ACBD3: variants seen among roughly 807,000 people sequenced by gnomAD.
ACBD3 encodes the protein acyl-CoA binding domain containing 3.
Under a neutral mutation model 66.9 loss-of-function variants are expected in ACBD3, and 30 were observed. The observed-to-expected ratio is 0.45, with a 90% CI of 0.34 to 0.61. The LOEUF (loss-of-function observed/expected upper bound fraction) is 0.61. ACBD3 is among the 20% of genes least tolerant of loss of function. The pLI is 0.02. For synonymous variants in ACBD3, 278 were observed against 259.8 expected (o/e 1.07, Z -0.68); for missense variants, 544 against 664.5 (o/e 0.82, Z 1.99).
chr1:226,186,700 G>C lies in ACBD3; in HGVS notation c.-25C>G, dbSNP rs1015695672. ...TCTCCGGCTGCTGCACCTCCTCAGC[G>C]GGGACAGACGGCAGCCACGTATCGA... On this transcript the variant is annotated 5_prime_UTR_variant, in exon 1 of 8. Transcript: ENST00000366812. 2.1e-6 allele frequency: 3 copies of C among 1,457,968 alleles called. No homozygotes were observed. The highest frequency in any genetic ancestry group is 2.5e-5 in the Admixed American group (1 of 40,094). 90.3% of individuals were successfully genotyped at this position (1,457,968 alleles called of 1,614,324 possible).
intron 7 of ACBD3, among the ~76,000 whole-genome samples, chr1:226,149,552 T>TTTTTTTTTG (rs1239430879): frequency 7.9e-6 from 1 of 127,344 alleles, no homozygotes; most frequent in African/African-American, 3.0e-5. Context: ...TTTTTTTTTT[T>TTTTTTTTTG]TTTTTTGAGA....
intron 2 of ACBD3, 92 bp from the exon 3 acceptor site, chr1:226,165,021 A>G (rs1659846322): frequency 7.6e-7 from 1 of 1,321,016 alleles, no homozygotes; most frequent in East Asian, 2.6e-5. Flanking sequence ...CTCAATTGTA[A>G]GTAAAATGAA....
intron 1 of ACBD3, among the ~76,000 whole-genome samples, chr1:226,173,757 CTTT>C (rs145462202): frequency 1.1e-5 from 1 of 88,322 alleles, no homozygotes; most frequent in Admixed American, 1.4e-4. Flanking sequence ...TTTTTCTTTT[CTTT>C]TTTTTTTTTT....
At chr1:226,164,955 C>A (rs767365500) in intron 2 of ACBD3, 26 bp from the exon 3 acceptor site, 1 of 1,515,510 alleles carries the variant, frequency 6.6e-7, no homozygotes, top group Admixed American at 2.3e-5. Flanking sequence ...AGAAAAGTTA[C>A]CTCCCCTTCT....
intron 3 of ACBD3, among the ~76,000 whole-genome samples, chr1:226,163,821 T>C (rs1403401939): frequency 6.6e-6 from 1 of 152,134 alleles, no homozygotes; most frequent in Non-Finnish European, 1.5e-5. Context: ...GAATCAATTG[T>C]TTTTAAAGAA....
rs760405635 is a variant in ACBD3 at position 226,186,415 on chromosome 1, G to A, written c.261C>T (p.Tyr87=). The A allele has an allele frequency of 1.2e-5, 19 of 1,523,734 alleles. No individual in the cohort carries two copies. In the South Asian group the frequency reaches 1.5e-4, roughly 12 times the overall value. The allele number at this position is 1,523,734 out of a possible 1,614,324, so 94.4% of individuals were successfully genotyped here. A position where few individuals can be genotyped will look rare whatever the true frequency, so the allele number is the denominator to read the frequency against. Residue 87 remains tyrosine (Y), a synonymous_variant, in exon 1 of 8, where the codon TAC becomes TAT. Coordinates refer to ENST00000366812, the MANE Select transcript of ACBD3 (RefSeq NM_022735.4). ...CTTTGAAGAAGCGCAGTGCCAGGCC[G>A]TACAACTCCTCCAGGCCGAAACCCC... ...QRWGFGLEEL[Y]GLALRFFKEK...
At chr1:226,161,742 TAAA>T in intron 3 of ACBD3, 53 bp from the exon 4 acceptor site, 1 of 1,500,228 alleles carries the variant, frequency 6.7e-7, no homozygotes, top group Non-Finnish European at 8.9e-7. Flanking sequence ...TGTTTAAAAA[TAAA>T]ACTTTAGCTC....
intron 5 of ACBD3, among the ~76,000 whole-genome samples, chr1:226,156,567 G>C (rs892241464): frequency 6.6e-6 from 1 of 152,054 alleles, no homozygotes; most frequent in Non-Finnish European, 1.5e-5. Flanking sequence ...CCATGGGGTA[G>C]GGATAATGAT....
chr1:226,166,101 G>A (rs1290818609), intron 1 of ACBD3, 101 bp from the exon 2 acceptor site: 2 of 1,280,274 alleles, frequency 1.6e-6, no homozygotes, highest in African/African-American at 1.5e-5. Flanking sequence ...GTCACAAACT[G>A]CCTGTAATAG....
intron 1 of ACBD3, among the ~76,000 whole-genome samples, chr1:226,182,767 T>A (rs968450329): frequency 6.6e-6 from 1 of 152,150 alleles, no homozygotes; most frequent in Non-Finnish European, 1.5e-5. Context: ...CCTTCCCCCC[T>A]CTGGAATGGC....
intron 5 of ACBD3, among the ~76,000 whole-genome samples, chr1:226,157,717 CTTTTTT>C (rs1659702893): frequency 6.6e-6 from 1 of 150,636 alleles, no homozygotes; most frequent in East Asian, 1.9e-4. Context: ...TTTTTTTTTT[CTTTTTT>C]AAGAGATGGG....
chr1:226,176,540 A>AGT (rs1410094292), intron 1 of ACBD3, among the ~76,000 whole-genome samples: 1 of 151,732 alleles, frequency 6.6e-6, no homozygotes, highest in Non-Finnish European at 1.5e-5. Flanking sequence ...GAACGGTAAC[A>AGT]GTGTGTGTGT....
At chr1:226,164,453 A>C (rs1295822589) in intron 3 of ACBD3, among the ~76,000 whole-genome samples, 1 of 152,152 alleles carries the variant, frequency 6.6e-6, no homozygotes, top group East Asian at 1.9e-4. Flanking sequence ...ACTGCAACAA[A>C]GGGTATGTCA....
chr1:226,183,830 G>C (rs1558133180), intron 1 of ACBD3, among the ~76,000 whole-genome samples: 1 of 146,102 alleles, frequency 6.8e-6, no homozygotes. Context: ...GTTGCAGTGA[G>C]CTGAGATCGC....
intron 1 of ACBD3, among the ~76,000 whole-genome samples, chr1:226,181,559 G>T (rs1656171250): frequency 6.6e-6 from 1 of 152,152 alleles, no homozygotes; most frequent in African/African-American, 2.4e-5. Flanking sequence ...TAACTGAGGG[G>T]CCTGAGGCAG....
intron 1 of ACBD3, 64 bp downstream of exon 1, chr1:226,186,326 C>A: frequency 1.4e-6 from 2 of 1,454,988 alleles, no homozygotes; most frequent in South Asian, 1.4e-5. Context: ...CCCTGGGGAC[C>A]ACAGCCCACG....
rs369066498 is a variant in ACBD3 at position 226,172,638 on chromosome 1, CA to C, written c.287-6639del. On this transcript the variant is annotated intron_variant, in intron 1 of 7. Coordinates refer to ENST00000366812, the MANE Select transcript of ACBD3 (RefSeq NM_022735.4). Reference sequence around the variant, plus strand: ...TTCTAGATGAGAGCCAAATTTGTCTCAAAAAAAAAATCAAGAAAACAAACAG... The same window carrying C: ...TTCTAGATGAGAGCCAAATTTGTCTCAAAAAAAAATCAAGAAAACAAACAG... Among the ~76,000 whole-genome samples the C allele has an allele frequency of 4.9e-3, 727 of 149,092 alleles. 5 individuals carry two copies. Among genetic ancestry groups the C allele is most frequent in the African/African-American group, 0.017 (677 of 40,696 alleles).
Position 226,152,308 on chromosome 1 carries a change from C to T in ACBD3, c.1375+27G>A, listed in dbSNP as rs565970094. On this transcript the variant is annotated intron_variant, in intron 7 of 7. Coordinates refer to ENST00000366812, the MANE Select transcript of ACBD3 (RefSeq NM_022735.4). ...TTTCTGCCAACACACAACCCAGCAG[C>T]TACTGAATATGGACCAAGGGTTCTA... 6 of 1,608,872 alleles carry T rather than the reference C, an allele frequency of 3.7e-6. No homozygotes were observed. The African/African-American group carries it at 6.7e-5, about 18-fold the overall frequency.
rs1305035787 is a variant in ACBD3, at chr1:226,154,936, G to T, written c.904-103C>A. 6 of 907,712 alleles carry T rather than the reference G, an allele frequency of 6.6e-6. No homozygotes were observed. In the African/African-American group the frequency reaches 8.6e-5, roughly 13 times the overall value. The allele number at this position is 907,712 out of a possible 1,614,324, so 56.2% of individuals were successfully genotyped here. On this transcript the variant is annotated intron_variant, in intron 5 of 7. Transcript: ENST00000366812. Reference sequence around the variant, plus strand: ...TACCATGCTTTTGCCCTACCAAAGTGCTATGCTCAAGAAATTACTAATAAA... The same window carrying T: ...TACCATGCTTTTGCCCTACCAAAGTTCTATGCTCAAGAAATTACTAATAAA...
Sources: gnomAD v4.1 joint callset for allele counts (sites outside exome capture counted in the v4.1 genomes callset) on GRCh38, gnomAD v4.1.1 for gene constraint, MANE v1.5 for transcripts, NCBI Gene and HGNC (gene_info 2026-07-23, HGNC 2026-07-21) for gene names.